Variants in GALNTL6 observed in about 807,000 individuals in gnomAD.
GALNTL6 encodes the protein polypeptide N-acetylgalactosaminyltransferase-like 6.
A neutral mutation model predicts 73.7 loss-of-function variants in GALNTL6; 46 were observed. The observed-to-expected ratio is 0.62, with a 90% CI of 0.49 to 0.80. GALNTL6 has a LOEUF of 0.80. Ranked by LOEUF, GALNTL6 falls within the 30% of genes least tolerant of loss-of-function variation. The pLI is 0.00. For missense variants in GALNTL6, 604 were observed against 755.0 expected (o/e 0.80, Z 2.34); for synonymous variants, 259 against 263.7 (o/e 0.98, Z 0.17).
At chr4:171,988,857 G>T (rs2877687) in intron 2 of GALNTL6, among the ~76,000 whole-genome samples, 2 of 151,830 alleles carry the variant, frequency 1.3e-5, no homozygotes, top group African/African-American at 4.8e-5. Context: ...GGGAGTAGAG[G>T]TGTCTTATAC....
At position 172,071,710 on chromosome 4, in the gene GALNTL6, C is replaced by T. The variant is rs943430474; in HGVS notation, c.139-157946C>T. Among the ~76,000 whole-genome samples the T allele has an allele frequency of 9.1e-5, 4 of 43,898 alleles. 2 individuals are homozygous for T. Among genetic ancestry groups the T allele is most frequent in the African/African-American group, 3.5e-4 (4 of 11,538 alleles). 28.8% of individuals were successfully genotyped at this position (43,898 alleles called of 152,430 possible). ...GCTATTTATTCAGAGCTTGCTAGTG[C>T]AAGGGAGTCAGCAATAGTATCTTGC... is the stretch of plus-strand genomic sequence containing the variant. On this transcript the variant is annotated intron_variant, in intron 2 of 12. Transcript: ENST00000506823.
At chr4:172,852,231 CTGAG>C (rs1579566478) in intron 7 of GALNTL6, among the ~76,000 whole-genome samples, 1 of 152,164 alleles carries the variant, frequency 6.6e-6, no homozygotes, top group Admixed American at 6.6e-5. Context: ...CTAATTCCAA[CTGAG>C]TGTTTCAGGG....
intron 2 of GALNTL6, among the ~76,000 whole-genome samples, chr4:172,108,462 G>A (rs2110974161): frequency 6.6e-6 from 1 of 152,266 alleles, no homozygotes; most frequent in South Asian, 2.1e-4. Flanking sequence ...ATGTCTGTAA[G>A]CCTAAACAGT....
chr4:172,387,196 C>T (rs529064247), intron 5 of GALNTL6, among the ~76,000 whole-genome samples: 38 of 152,198 alleles, frequency 2.5e-4, no homozygotes, highest in African/African-American at 8.2e-4. Flanking sequence ...GCAGAGTGTA[C>T]ACAAACATGT....
At chr4:172,989,126 T>G (rs1288123881) in intron 10 of GALNTL6, among the ~76,000 whole-genome samples, 1 of 152,166 alleles carries the variant, frequency 6.6e-6, no homozygotes, top group East Asian at 1.9e-4. Context: ...GCTTGCACTG[T>G]GCACATGGAA....
intron 5 of GALNTL6, among the ~76,000 whole-genome samples, chr4:172,460,345 GC>G (rs1183509527): frequency 4.0e-5 from 6 of 150,206 alleles, no homozygotes; most frequent in African/African-American, 1.5e-4. Flanking sequence ...AAAAGCAATG[GC>G]AAAAAAAGCC....
chr4:171,854,382 T>C (rs1325577300), intron 2 of GALNTL6, among the ~76,000 whole-genome samples: 2 of 152,222 alleles, frequency 1.3e-5, no homozygotes, highest in Non-Finnish European at 2.9e-5. Context: ...GTTTTGAACA[T>C]GAGAAACGGC....
At chr4:172,236,294 C>T (rs201302361) in intron 3 of GALNTL6, among the ~76,000 whole-genome samples, 3 of 152,154 alleles carry the variant, frequency 2.0e-5, no homozygotes, top group Admixed American at 6.5e-5. Flanking sequence ...AGCTGCCAGG[C>T]GTGGTGGCTC....
intron 2 of GALNTL6, among the ~76,000 whole-genome samples, chr4:171,897,435 A>G (rs565640165): frequency 8.5e-5 from 13 of 152,346 alleles, no homozygotes; most frequent in Non-Finnish European, 1.3e-4. Flanking sequence ...CTTGAAGAGC[A>G]TAGATACAAA....
chr4:172,246,186 C>T (rs1278292698), intron 3 of GALNTL6, among the ~76,000 whole-genome samples: 6 of 152,030 alleles, frequency 3.9e-5, no homozygotes, highest in South Asian at 2.1e-4. Flanking sequence ...ATAGAATTAG[C>T]GTTACTAGGC....
intron 2 of GALNTL6, among the ~76,000 whole-genome samples, chr4:171,822,467 A>C (rs1418677618): frequency 6.6e-6 from 1 of 152,200 alleles, no homozygotes; most frequent in Non-Finnish European, 1.5e-5. Flanking sequence ...ACCTCATAAT[A>C]GGGTAGCTAG....
At chr4:173,016,628 C>A (rs1490547832) in intron 11 of GALNTL6, among the ~76,000 whole-genome samples, 1 of 152,180 alleles carries the variant, frequency 6.6e-6, no homozygotes, top group African/African-American at 2.4e-5. Flanking sequence ...ATGCCTGTAC[C>A]CACATTGTAT....
At chr4:172,589,557 A>G (rs1378275849) in intron 5 of GALNTL6, among the ~76,000 whole-genome samples, 1 of 152,202 alleles carries the variant, frequency 6.6e-6, no homozygotes, top group Non-Finnish European at 1.5e-5. Flanking sequence ...CAATTGATCT[A>G]ATGTCATAGT....
At chr4:172,129,087 A>C (rs1733382888) in intron 2 of GALNTL6, among the ~76,000 whole-genome samples, 1 of 152,208 alleles carries the variant, frequency 6.6e-6, no homozygotes, top group African/African-American at 2.4e-5. Flanking sequence ...TTGGTTGCTA[A>C]GGAGCTGTTG....
intron 5 of GALNTL6, among the ~76,000 whole-genome samples, chr4:172,645,514 C>A (rs1035411839): frequency 6.6e-5 from 10 of 151,800 alleles, no homozygotes; most frequent in African/African-American, 1.9e-4. Context: ...TGTGGGAATA[C>A]TTTTGGACCC....
intron 2 of GALNTL6, among the ~76,000 whole-genome samples, chr4:171,861,873 C>T (rs984686936): frequency 6.6e-6 from 1 of 152,056 alleles, no homozygotes; most frequent in African/African-American, 2.4e-5. Context: ...ATGTCTGATG[C>T]TATTACTTAA....
chr4:172,775,042 T>G (rs1738997984), intron 5 of GALNTL6, among the ~76,000 whole-genome samples: 1 of 151,540 alleles, frequency 6.6e-6, no homozygotes, highest in Non-Finnish European at 1.5e-5. Context: ...AATCAGAGAT[T>G]GTAACAATAG....
At chr4:172,832,358 G>A (rs939342075) in intron 7 of GALNTL6, among the ~76,000 whole-genome samples, 1 of 152,138 alleles carries the variant, frequency 6.6e-6, no homozygotes, top group South Asian at 2.1e-4. Context: ...CCACCAACTG[G>A]CATTCAATGT....
At chr4:172,925,472 G>T (rs1007860332) in intron 8 of GALNTL6, among the ~76,000 whole-genome samples, 1 of 152,170 alleles carries the variant, frequency 6.6e-6, no homozygotes, top group Non-Finnish European at 1.5e-5. Flanking sequence ...TGGTAAAAGA[G>T]ATTTGGCAAA....
Sources: gnomAD v4.1 joint callset for allele counts (sites outside exome capture counted in the v4.1 genomes callset) on GRCh38, gnomAD v4.1.1 for gene constraint, MANE v1.5 for transcripts, NCBI Gene and HGNC (gene_info 2026-07-23, HGNC 2026-07-21) for gene names.